Variants in METTL2B observed in about 807,000 individuals in gnomAD.
METTL2B encodes the protein methyltransferase 2B, tRNA N3-cytidine, also known as tRNA N(3)-cytidine methyltransferase METTL2B.
METTL2B carries 28 observed loss-of-function variants against 51.0 expected under a neutral mutation model. The ratio of observed to expected loss-of-function variants is 0.55; its 90% CI spans 0.41 to 0.75. The LOEUF is 0.75. METTL2B is among the 30% of genes least tolerant of loss of function. The pLI is 0.00. For synonymous variants in METTL2B, 128 were observed against 166.3 expected, an observed-to-expected ratio of 0.77 and a Z score of 1.77; for missense variants, 313 against 460.7, an observed-to-expected ratio of 0.68 and a Z score of 2.93.
intron 4 of METTL2B, among the ~76,000 whole-genome samples, chr7:128,485,000 C>T (rs1792673727): frequency 6.6e-6 from 1 of 152,152 alleles, no homozygotes; most frequent in African/African-American, 2.4e-5. Context: ...CTCCCCATTT[C>T]CCAATTTCCC....
chr7:128,501,866 G>A lies in METTL2B; in HGVS notation c.1087G>A (p.Val363Ile), dbSNP rs759620083. ...NRGKQLTMYR[V>I]WIQCKYCKPL... ...AGGGAAGCAACTGACAATGTACCGG[G>A]TTTGGATTCAGTGCAAATACTGCAA... The change falls in exon 9 of 9, where the codon GTT becomes ATT. Residue 363 changes from valine (V) to isoleucine (I), a missense_variant. Physicochemically the swap from Val to Ile is conservative, Grantham distance 29. Transcript: ENST00000262432. 2 of 1,614,096 alleles carry A rather than the reference G, an allele frequency of 1.2e-6. No homozygotes were observed. Among genetic ancestry groups the A allele is most frequent in the Admixed American group, 1.7e-5 (1 of 59,990 alleles).
At chr7:128,476,997 A>G (rs575010013) in intron 1 of METTL2B, 85 bp from the exon 2 acceptor site, 55 of 1,288,596 alleles carry the variant, frequency 4.3e-5, no homozygotes, top group Non-Finnish European at 5.6e-5. Flanking sequence ...GCACTCTCCA[A>G]GGGGAGAGAA....
Position 128,501,015 on chromosome 7 carries a change from G to C in METTL2B, c.982+47G>C, listed in dbSNP as rs750686876. 3 of 1,611,908 alleles carry C rather than the reference G, an allele frequency of 1.9e-6. No homozygotes were observed. The African/African-American group carries it at 4.0e-5, about 22-fold the overall frequency. ...ACGCTAAAAGTCCCCAGTACCAGAT[G>C]GTCTTCAAGGCACATTCAGAAGGAA... On this transcript the variant is annotated intron_variant, in intron 8 of 8. Transcript: ENST00000262432.
At chr7:128,487,259 A>G (rs950674233) in intron 4 of METTL2B, among the ~76,000 whole-genome samples, 2 of 152,170 alleles carry the variant, frequency 1.3e-5, no homozygotes, top group African/African-American at 4.8e-5. Flanking sequence ...GAGAGGCTGG[A>G]GGTATTGCAT....
chr7:128,496,478 A>G (rs1158775102), intron 6 of METTL2B, among the ~76,000 whole-genome samples: 3 of 152,198 alleles, frequency 2.0e-5, no homozygotes, highest in Non-Finnish European at 4.4e-5. Flanking sequence ...CAGGAGTTTG[A>G]GGCTGCAGTG....
chr7:128,489,228 C>G (rs1442901018), intron 5 of METTL2B, among the ~76,000 whole-genome samples: 2 of 152,106 alleles, frequency 1.3e-5, no homozygotes, highest in African/African-American at 4.8e-5. Flanking sequence ...ATCAGGAGTT[C>G]AAGACTGGCC....
intron 5 of METTL2B, among the ~76,000 whole-genome samples, chr7:128,489,085 A>T (rs1257066875): frequency 6.6e-6 from 1 of 152,210 alleles, no homozygotes; most frequent in East Asian, 1.9e-4. Flanking sequence ...ACTGCACTCC[A>T]GCTAGACGAC....
rs768907595 is a variant in METTL2B at position 128,493,959 on chromosome 7, T to G, written c.809+16T>G. The G allele has an allele frequency of 6.5e-5, 103 of 1,591,012 alleles. No homozygotes were observed. The highest frequency in any genetic ancestry group is 1.3e-4 in the Admixed American group (7 of 52,618). Reference sequence around the variant, plus strand: ...TTCCAGACAAGTAAGTTTGGGTCCCTTAGCTGGTAGTGTCACAAAAAGAAA... The same window carrying G: ...TTCCAGACAAGTAAGTTTGGGTCCCGTAGCTGGTAGTGTCACAAAAAGAAA... On this transcript the variant is annotated intron_variant, in intron 6 of 8. Transcript: ENST00000262432.
rs541345150 is a variant in METTL2B at position 128,502,671 on chromosome 7, G to A, written c.*755G>A. 4.8e-4 allele frequency: 214 copies of A among 444,846 alleles called. 5 individuals carry two copies. The highest frequency in any genetic ancestry group is 3.0e-3 in the South Asian group (187 of 63,062). The allele number at this position is 444,846 out of a possible 1,614,324, so 27.6% of individuals were successfully genotyped here. On this transcript the variant is annotated 3_prime_UTR_variant, in exon 9 of 9. Coordinates refer to ENST00000262432, the MANE Select transcript of METTL2B (RefSeq NM_018396.3). ...CCCAGCACTTTGGGAGGCCGAGGCG[G>A]GCAGATCACCTGAGGTCAGGAGTTC...
intron 4 of METTL2B, chr7:128,483,245 C>T (rs1485281991): frequency 1.3e-5 from 2 of 152,208 alleles, no homozygotes; most frequent in East Asian, 1.9e-4. Flanking sequence ...TCGCTGTGTT[C>T]AGTATCTTAC....
rs113783348 is a variant in METTL2B at position 128,486,250 on chromosome 7, G to A, written c.609-1851G>A. ...GGAGGTTGCAGTGAGCCAAGACCAC[G>A]CTATTGCACTCCAGCCTGGGTGACA... is the stretch of plus-strand genomic sequence containing the variant. On this transcript the variant is annotated intron_variant, in intron 4 of 8. Transcript: ENST00000262432. Among the ~76,000 whole-genome samples, 8 of 151,472 alleles carry A rather than the reference G, an allele frequency of 5.3e-5. No individual in the cohort carries two copies. In the East Asian group the frequency reaches 5.8e-4, roughly 11 times the overall value.
Position 128,502,905 on chromosome 7 carries a change from T to G in METTL2B, c.*989T>G, listed in dbSNP as rs1793057879. On this transcript the variant is annotated 3_prime_UTR_variant, in exon 9 of 9. Transcript: ENST00000262432. ...AAAGCAAGACTCTGTCTCAAAAAAA[T>G]AAAAATAAAAAAAATCTTAGTTCCA... 1 of 192,602 alleles carries G rather than the reference T, an allele frequency of 5.2e-6. No individual in the cohort carries two copies. The highest frequency in any genetic ancestry group is 5.5e-5 in the Admixed American group (1 of 18,062). The allele number at this position is 192,602 out of a possible 1,614,324, so 11.9% of individuals were successfully genotyped here. A position where few individuals can be genotyped will look rare whatever the true frequency, so the allele number is the denominator to read the frequency against.
chr7:128,504,070 A>G lies in METTL2B; in HGVS notation c.*2154A>G, dbSNP rs1218857579. On this transcript the variant is annotated 3_prime_UTR_variant, in exon 9 of 9. Coordinates refer to ENST00000262432, the MANE Select transcript of METTL2B (RefSeq NM_018396.3). ...TTTGGAATAATAAATTTATATAGGA[A>G]TACTGCAAGAATAGTCCATTTTTTT... 1.3e-5 allele frequency: 2 copies of G among 152,222 alleles called. No individual in the cohort carries two copies. The highest frequency in any genetic ancestry group is 4.8e-5 in the African/African-American group (2 of 41,460). 9.4% of individuals were successfully genotyped at this position (152,222 alleles called of 1,614,324 possible).
At position 128,504,350 on chromosome 7, in the gene METTL2B, C is replaced by CTTT. The variant is rs66738177; in HGVS notation, c.*2451_*2453dup. ...GCTGGGTAATGTAGCAAGACCCTGA[C>CTTT]TTTTTTTTTTTTTTTTTTTGAGATG... is the stretch of plus-strand genomic sequence containing the variant. On this transcript the variant is annotated 3_prime_UTR_variant, in exon 9 of 9. Coordinates refer to ENST00000262432, the MANE Select transcript of METTL2B (RefSeq NM_018396.3). 0.16 allele frequency: 17,829 copies of CTTT among 108,296 alleles called. 1,971 individuals carry two copies. The highest frequency in any genetic ancestry group is 0.22 in the Middle Eastern group (41 of 184). 6.7% of individuals were successfully genotyped at this position (108,296 alleles called of 1,614,324 possible).
At chr7:128,490,281 G>A (rs1696370622) in intron 5 of METTL2B, among the ~76,000 whole-genome samples, 1 of 150,430 alleles carries the variant, frequency 6.6e-6, no homozygotes, top group Admixed American at 6.6e-5. Context: ...TAAAAAAGAA[G>A]AAGCAACAAG....
rs1326319352 is a variant in METTL2B at position 128,500,808 on chromosome 7, A to T, written c.917-95A>T. 5 of 1,443,328 alleles carry T rather than the reference A, an allele frequency of 3.5e-6. No individual in the cohort carries two copies. The African/African-American group carries it at 7.0e-5, about 20-fold the overall frequency. The allele number at this position is 1,443,328 out of a possible 1,614,324, so 89.4% of individuals were successfully genotyped here. A position where few individuals can be genotyped will look rare whatever the true frequency, so the allele number is the denominator to read the frequency against. On this transcript the variant is annotated intron_variant, in intron 7 of 8. Transcript: ENST00000262432. Reference sequence around the variant, plus strand: ...AAGCACTGAGGCAGGAGTGCTCTCCACCCAACAAACTGGCCTCTCAGTTAA... The same window carrying T: ...AAGCACTGAGGCAGGAGTGCTCTCCTCCCAACAAACTGGCCTCTCAGTTAA...
chr7:128,500,044 A>G (rs1377284660), intron 7 of METTL2B, among the ~76,000 whole-genome samples: 3 of 152,138 alleles, frequency 2.0e-5, no homozygotes, highest in African/African-American at 7.2e-5. Context: ...GCAAGGGAGT[A>G]TTTTAAACTC....
chr7:128,486,662 C>T (rs1792725136), intron 4 of METTL2B, among the ~76,000 whole-genome samples: 3 of 151,950 alleles, frequency 2.0e-5, no homozygotes, highest in African/African-American at 7.3e-5. Flanking sequence ...CGGTGGCTCA[C>T]CCCTGAAATT....
intron 6 of METTL2B, among the ~76,000 whole-genome samples, chr7:128,497,639 C>T (rs1393409427): frequency 2.6e-5 from 4 of 152,184 alleles, no homozygotes; most frequent in African/African-American, 7.2e-5. Flanking sequence ...CATGCCACCA[C>T]GCCTGGCTAC....
Sources: allele counts gnomAD v4.1 joint callset (sites outside exome capture counted in the v4.1 genomes callset), GRCh38; gene constraint gnomAD v4.1.1; transcripts MANE v1.5; gene names NCBI Gene and HGNC (gene_info 2026-07-23, HGNC 2026-07-21).